LANCL3: variants seen among roughly 807,000 people sequenced by gnomAD.
LANCL3 encodes the protein lanC-like protein 3.
In LANCL3, 19 loss-of-function variants were observed where a neutral mutation model predicts 26.5. That is an observed-to-expected ratio of 0.72 (90% confidence interval 0.50 to 1.05). LANCL3 has a LOEUF of 1.05. Ranked by LOEUF, LANCL3 falls within the 50% of genes least tolerant of loss-of-function variation. LANCL3 has a pLI of 0.00. For missense variants in LANCL3, 318 were observed against 362.7 expected (o/e 0.88, Z 1.00); for synonymous variants, 160 against 166.6 (o/e 0.96, Z 0.30).
intron 1 of LANCL3, among the ~76,000 whole-genome samples, chrX:37,635,332 T>C (rs3117505): frequency 0.17 from 19,241 of 111,440 alleles, 1,178 homozygotes; most frequent in South Asian, 0.2. Flanking sequence ...TTTCTTACAC[T>C]TTTAAGTTAG....
chrX:37,655,389 G>A (rs911784090), intron 1 of LANCL3, among the ~76,000 whole-genome samples: 1 of 111,834 alleles, frequency 8.9e-6, no homozygotes, highest in Non-Finnish European at 1.9e-5. Context: ...TTGTTCCTGT[G>A]ACAAGGATTA....
intron 1 of LANCL3, among the ~76,000 whole-genome samples, chrX:37,609,714 A>G (rs1405030419): frequency 9.0e-6 from 1 of 111,199 alleles, no homozygotes; most frequent in East Asian, 2.8e-4. Flanking sequence ...CTATATGTAT[A>G]GTGACACACT....
chrX:37,615,692 CT>C (rs1556421627), intron 1 of LANCL3, among the ~76,000 whole-genome samples: 2 of 111,608 alleles, frequency 1.8e-5, no homozygotes, highest in African/African-American at 6.5e-5. Flanking sequence ...ACCACATTTT[CT>C]TCTCATAGCC....
At chrX:37,659,949 C>G (rs1366400027) in intron 3 of LANCL3, among the ~76,000 whole-genome samples, 2 of 110,779 alleles carry the variant, frequency 1.8e-5, no homozygotes, top group African/African-American at 6.6e-5. Flanking sequence ...TTTTAGTAAC[C>G]TCATTAAAAA....
intron 1 of LANCL3, among the ~76,000 whole-genome samples, chrX:37,613,511 C>G (rs1010267302): frequency 8.9e-6 from 1 of 112,025 alleles, no homozygotes; most frequent in Non-Finnish European, 1.9e-5. Flanking sequence ...CAAAGATATG[C>G]AGCATTTCCA....
intron 1 of LANCL3, among the ~76,000 whole-genome samples, chrX:37,579,755 C>T (rs1556416797): frequency 2.7e-5 from 3 of 110,753 alleles, no homozygotes; most frequent in African/African-American, 9.9e-5. Flanking sequence ...TGTATTTTTG[C>T]CTACTTTTGC....
Position 37,681,815 on chromosome X carries a change from T to C in LANCL3, c.*6002T>C, listed in dbSNP as rs1180134183. On this transcript the variant is annotated 3_prime_UTR_variant, in exon 5 of 5. Transcript: ENST00000378619. ...TGGGGCCCATTTCTATTTATCTTTG[T>C]ATTCAGAATCACCCGAGAGCCACAA... The C allele has an allele frequency of 8.9e-6, 1 of 111,841 alleles. No homozygotes were observed. The highest frequency in any genetic ancestry group is 1.9e-5 in the Non-Finnish European group (1 of 53,203). The allele number at this position is 111,841 out of a possible 1,213,427, so 9.2% of individuals were successfully genotyped here. A position where few individuals can be genotyped will look rare whatever the true frequency, so the allele number is the denominator to read the frequency against.
chrX:37,678,331 C>G lies in LANCL3; in HGVS notation c.*2518C>G, dbSNP rs981797143. The stretch of plus-strand genomic sequence containing the variant: ...TGTTACTTCTTATTTAATTATCCAA[C>G]TTGCCCCCCTTCTCTGTGGTAGCAT... On this transcript the variant is annotated 3_prime_UTR_variant, in exon 5 of 5. Transcript: ENST00000378619. 6 of 110,519 alleles carry G rather than the reference C, an allele frequency of 5.4e-5. No homozygotes were observed. Among genetic ancestry groups the G allele is most frequent in the Non-Finnish European group, 1.1e-4 (6 of 52,648 alleles). 9.1% of individuals were successfully genotyped at this position (110,519 alleles called of 1,213,427 possible). A position where few individuals can be genotyped will look rare whatever the true frequency, so the allele number is the denominator to read the frequency against.
chrX:37,585,182 C>G (rs1556417702), intron 1 of LANCL3, among the ~76,000 whole-genome samples: 2 of 111,654 alleles, frequency 1.8e-5, no homozygotes, highest in Non-Finnish European at 3.8e-5. Context: ...AATTTCTGTT[C>G]TTTTACATTT....
intron 1 of LANCL3, among the ~76,000 whole-genome samples, chrX:37,588,817 C>A (rs782470840): frequency 8.9e-6 from 1 of 112,151 alleles, no homozygotes; most frequent in South Asian, 3.7e-4. Context: ...GTAAGAACAT[C>A]TAAATGAGAG....
intron 1 of LANCL3, among the ~76,000 whole-genome samples, chrX:37,611,526 T>G (rs188232957): frequency 8.9e-6 from 1 of 111,783 alleles, no homozygotes; most frequent in East Asian, 2.8e-4. Flanking sequence ...AGTGTAAAGG[T>G]TCCCTGAATG....
chrX:37,633,308 G>A (rs1925592985), intron 1 of LANCL3, among the ~76,000 whole-genome samples: 1 of 110,377 alleles, frequency 9.1e-6, no homozygotes, highest in East Asian at 2.8e-4. Context: ...TTCAGCTCCG[G>A]TTATTCTAGT....
chrX:37,651,549 C>CT (rs1230953637), intron 1 of LANCL3, among the ~76,000 whole-genome samples: 1 of 110,376 alleles, frequency 9.1e-6, no homozygotes, highest in Non-Finnish European at 1.9e-5. Flanking sequence ...TATTTGTGTC[C>CT]TTTTTCCTAA....
rs782164476 is a variant in LANCL3 at position 37,671,067 on chromosome X, GTATCT to G, written c.1103+3582_1103+3586del. 4.0e-4 allele frequency among the ~76,000 whole-genome samples: 45 copies of G among 111,154 alleles called. 1 individual carries two copies. In the Admixed American group the frequency reaches 4.3e-3, roughly 11 times the overall value. On this transcript the variant is annotated intron_variant, in intron 4 of 4. Transcript: ENST00000378619. ...GTAATTTTTCATATAAATATAGATT[GTATCT>G]TATAAGTATTTTTCTTTTCATAAAC...
chrX:37,669,869 G>T (rs1292573443), intron 4 of LANCL3, among the ~76,000 whole-genome samples: 1 of 112,249 alleles, frequency 8.9e-6, no homozygotes, highest in Non-Finnish European at 1.9e-5. Context: ...AAAGTGCTGG[G>T]ATTACAGGTG....
At chrX:37,628,216 T>A (rs1222771276) in intron 1 of LANCL3, among the ~76,000 whole-genome samples, 3 of 111,611 alleles carry the variant, frequency 2.7e-5, no homozygotes, top group African/African-American at 9.8e-5. Context: ...TATGATGTTC[T>A]GCAAAGGACA....
Position 37,676,762 on chromosome X carries a change from G to A in LANCL3, c.*949G>A, listed in dbSNP as rs782186912. ...GCCTTTGTTTGGGACAGGCAGACAGGCTGAGGAAGTCACCAGTGATTGTGG... is the reference window on the plus strand; with the variant it reads ...GCCTTTGTTTGGGACAGGCAGACAGACTGAGGAAGTCACCAGTGATTGTGG... On this transcript the variant is annotated 3_prime_UTR_variant, in exon 5 of 5. Transcript: ENST00000378619. The A allele has an allele frequency of 1.4e-4, 16 of 111,855 alleles. No individual in the cohort carries two copies. The South Asian group carries it at 6.0e-3, about 42-fold the overall frequency. The allele number at this position is 111,855 out of a possible 1,213,427, so 9.2% of individuals were successfully genotyped here.
chrX:37,639,359 C>T (rs782739079), intron 1 of LANCL3, among the ~76,000 whole-genome samples: 22 of 106,225 alleles, frequency 2.1e-4, no homozygotes, highest in Non-Finnish European at 3.3e-4. Context: ...CGTTCCTTCA[C>T]ATTGTAATTG....
chrX:37,614,260 G>T (rs1202617170), intron 1 of LANCL3, among the ~76,000 whole-genome samples: 1 of 111,327 alleles, frequency 9.0e-6, no homozygotes, highest in East Asian at 2.8e-4. Flanking sequence ...CTTGGGGAAC[G>T]TAAAAAAAAT....
Sources: allele counts gnomAD v4.1 joint callset (sites outside exome capture counted in the v4.1 genomes callset), GRCh38; gene constraint gnomAD v4.1.1; transcripts MANE v1.5; gene names NCBI Gene and HGNC (gene_info 2026-07-23, HGNC 2026-07-21).